Variants in ULK4 observed in about 807,000 individuals in gnomAD.
ULK4 encodes the protein unc-51 like kinase 4.
ULK4 carries 133 observed loss-of-function variants against 160.6 expected under a neutral mutation model. The ratio of observed to expected loss-of-function variants is 0.83; its 90% CI spans 0.72 to 0.96. The LOEUF (loss-of-function observed/expected upper bound fraction) is 0.96. Ranked by LOEUF, ULK4 falls within the 40% of genes least tolerant of loss-of-function variation. The probability of loss-of-function intolerance (pLI) is 0.00; values close to 1 mark genes in which losing one functional copy is unlikely to be tolerated. For missense variants in ULK4, 1,580 were observed against 1,499.5 expected, an observed-to-expected ratio of 1.05 and a Z score of -0.89; for synonymous variants, 534 against 539.8, an observed-to-expected ratio of 0.99 and a Z score of 0.15.
intron 32 of ULK4, among the ~76,000 whole-genome samples, chr3:41,471,668 T>C (rs2083994937): frequency 1.3e-5 from 2 of 152,090 alleles, no homozygotes; most frequent in East Asian, 1.9e-4. Flanking sequence ...CTTTACCAAA[T>C]AGGATGGTAT....
At chr3:41,452,585 G>T (rs1000280657) in intron 34 of ULK4, among the ~76,000 whole-genome samples, 65 of 152,202 alleles carry the variant, frequency 4.3e-4, no homozygotes, top group African/African-American at 1.5e-3. Context: ...AATTAACTCT[G>T]CTAAGTAATT....
At chr3:41,387,617 C>CTT (rs1559561674) in intron 35 of ULK4, among the ~76,000 whole-genome samples, 17 of 152,114 alleles carry the variant, frequency 1.1e-4, no homozygotes, top group African/African-American at 3.9e-4. Context: ...AGTGAGAATA[C>CTT]GCGGTGTTTG....
chr3:41,822,201 G>A (rs910332940), intron 18 of ULK4, among the ~76,000 whole-genome samples: 9 of 149,860 alleles, frequency 6.0e-5, no homozygotes, highest in African/African-American at 2.3e-4. Flanking sequence ...TCATGTCCCT[G>A]CCAGTCTCTC....
At chr3:41,365,311 C>T (rs940214420) in intron 35 of ULK4, among the ~76,000 whole-genome samples, 1 of 152,150 alleles carries the variant, frequency 6.6e-6, no homozygotes, top group African/African-American at 2.4e-5. Flanking sequence ...CCTTCACAAT[C>T]TTGAAGTTTG....
chr3:41,444,773 T>A (rs2083258001), intron 34 of ULK4, among the ~76,000 whole-genome samples: 1 of 151,986 alleles, frequency 6.6e-6, no homozygotes, highest in East Asian at 1.9e-4. Context: ...AAGTCAGGAG[T>A]TTGAGATCAA....
intron 34 of ULK4, among the ~76,000 whole-genome samples, chr3:41,447,392 T>A (rs1484004433): frequency 6.6e-6 from 1 of 151,982 alleles, no homozygotes; most frequent in Non-Finnish European, 1.5e-5. Context: ...ACACCTCATA[T>A]CCCGCCACAT....
rs1464149312 is a variant in ULK4 at position 41,828,213 on chromosome 3, G to A, written c.1764+7651C>T. ...TATCATACTGAATGGAAAAAAACTG[G>A]AAACATTCCCTTTGAAAACTGGCAC... On this transcript the variant is annotated intron_variant, in intron 18 of 36. Coordinates refer to ENST00000301831, the MANE Select transcript of ULK4 (RefSeq NM_017886.4). Among the ~76,000 whole-genome samples the A allele has an allele frequency of 4.2e-5, 6 of 143,036 alleles. 1 individual carries two copies. The highest frequency in any genetic ancestry group is 1.4e-4 in the Admixed American group (2 of 14,370). The allele number at this position is 143,036 out of a possible 152,430, so 93.8% of individuals were successfully genotyped here. A position where few individuals can be genotyped will look rare whatever the true frequency, so the allele number is the denominator to read the frequency against.
chr3:41,758,873 A>G (rs1281814325), intron 21 of ULK4, among the ~76,000 whole-genome samples: 1 of 151,578 alleles, frequency 6.6e-6, no homozygotes, highest in Non-Finnish European at 1.5e-5. Context: ...ACTCCATCTC[A>G]ATTAAAAAAA....
chr3:41,948,821 A>G (rs932523893), intron 2 of ULK4, among the ~76,000 whole-genome samples: 3 of 152,094 alleles, frequency 2.0e-5, no homozygotes, highest in East Asian at 1.9e-4. Flanking sequence ...AACATACTCA[A>G]TGGTGAAAGA....
intron 35 of ULK4, among the ~76,000 whole-genome samples, chr3:41,315,321 C>A (rs2080126102): frequency 6.6e-6 from 1 of 152,098 alleles, no homozygotes; most frequent in South Asian, 2.1e-4. Flanking sequence ...AGACTTTGTT[C>A]ATTTCTGAGA....
rs569476811 is a variant in ULK4 at position 41,699,225 on chromosome 3, G to A, written c.2781+5832C>T. ...CACTCTCACTGAGCGTAGTGTTTCT[G>A]GGTTCCATTTGCTCTATGTCCCCAC... On this transcript the variant is annotated intron_variant, in intron 27 of 36. Transcript: ENST00000301831. 7.2e-5 allele frequency among the ~76,000 whole-genome samples: 11 copies of A among 152,132 alleles called. No individual in the cohort carries two copies. The South Asian group carries it at 2.3e-3, about 32-fold the overall frequency.
chr3:41,781,568 T>C (rs1004109043), intron 21 of ULK4, among the ~76,000 whole-genome samples: 1 of 152,222 alleles, frequency 6.6e-6, no homozygotes, highest in Non-Finnish European at 1.5e-5. Flanking sequence ...CAAAATGATA[T>C]GATGTATAGA....
chr3:41,580,683 C>T (rs1032483756), intron 31 of ULK4, among the ~76,000 whole-genome samples: 5 of 152,280 alleles, frequency 3.3e-5, no homozygotes, highest in African/African-American at 1.2e-4. Context: ...CAGCCAGTTG[C>T]ATCACTGTGC....
In ULK4 at chr3:41,446,527, C is replaced by A. The variant is rs572208404; in HGVS notation, c.3492+8970G>T. ...TTAAGAAAATGTGGCACATATACAC[C>A]ATGGAATACTATGCAGCCATAAAAA... On this transcript the variant is annotated intron_variant, in intron 34 of 36. Transcript: ENST00000301831. Among the ~76,000 whole-genome samples, 43 of 152,036 alleles carry A rather than the reference C, an allele frequency of 2.8e-4. No homozygotes were observed. The South Asian group carries it at 7.9e-3, about 28-fold the overall frequency.
At chr3:41,355,217 C>T (rs1168856174) in intron 35 of ULK4, among the ~76,000 whole-genome samples, 1 of 152,092 alleles carries the variant, frequency 6.6e-6, no homozygotes, top group Non-Finnish European at 1.5e-5. Flanking sequence ...GACAGAGATG[C>T]TTTGAGGTGG....
At chr3:41,446,591 C>T (rs1168573602) in intron 34 of ULK4, among the ~76,000 whole-genome samples, 1 of 151,244 alleles carries the variant, frequency 6.6e-6, no homozygotes, top group African/African-American at 2.4e-5. Flanking sequence ...ATGGATGAAG[C>T]TGGAAACCAT....
Position 41,398,928 on chromosome 3 carries a change from T to C in ULK4, c.3493-664A>G, listed in dbSNP as rs1211006118. ...ACATATACTTTACCTCATACATATA[T>C]CCTTTGTGGTGAGAACATTCCAAAT... is the stretch of plus-strand genomic sequence containing the variant. On this transcript the variant is annotated intron_variant, in intron 34 of 36. Transcript: ENST00000301831. Among the ~76,000 whole-genome samples, 3 of 152,112 alleles carry C rather than the reference T, an allele frequency of 2.0e-5. No individual in the cohort carries two copies. In the East Asian group the frequency reaches 5.8e-4, roughly 29 times the overall value.
chr3:41,322,035 TTTTA>T (rs1299833192), intron 35 of ULK4, among the ~76,000 whole-genome samples: 2 of 144,006 alleles, frequency 1.4e-5, no homozygotes, highest in Admixed American at 7.0e-5. Context: ...TTTTATTTTA[TTTTA>T]TTTATTTATT....
chr3:41,617,282 C>T (rs1404583193), intron 30 of ULK4, among the ~76,000 whole-genome samples: 1 of 152,252 alleles, frequency 6.6e-6, no homozygotes, highest in African/African-American at 2.4e-5. Flanking sequence ...AAGGGACAGG[C>T]TGCCTCCTCA....
Sources: gnomAD v4.1 joint callset for allele counts (sites outside exome capture counted in the v4.1 genomes callset) on GRCh38, gnomAD v4.1.1 for gene constraint, MANE v1.5 for transcripts, NCBI Gene and HGNC (gene_info 2026-07-23, HGNC 2026-07-21) for gene names.